ZNF550: variants seen among roughly 807,000 people sequenced by gnomAD.
The protein encoded by ZNF550 is zinc finger protein 550.
ZNF550 carries 42 observed loss-of-function variants against 40.2 expected under a neutral mutation model. That is an observed-to-expected ratio of 1.05 (90% CI 0.82 to 1.35). ZNF550 has a LOEUF of 1.35. ZNF550 is among the 40% of genes most tolerant of loss of function. The probability of loss-of-function intolerance (pLI) is 0.00; values close to 1 mark genes in which losing one functional copy is unlikely to be tolerated. For synonymous variants in ZNF550, 223 were observed against 198.6 expected (o/e 1.12, Z -1.03); for missense variants, 549 against 525.2 (o/e 1.05, Z -0.44).
chr19:57,550,373 T>C (rs2090062182), intron 3 of ZNF550, among the ~76,000 whole-genome samples: 1 of 152,234 alleles, frequency 6.6e-6, no homozygotes, highest in South Asian at 2.1e-4. Context: ...TGGAAAATAG[T>C]ATTCATAGCA....
intron 4 of ZNF550, chr19:57,543,653 C>T: frequency 1.0e-6 from 1 of 985,346 alleles, no homozygotes; most frequent in South Asian, 4.7e-5. Flanking sequence ...CGTTTTACCT[C>T]TGCCGGGCAC....
At chr19:57,556,055 T>G in intron 2 of ZNF550, 176 bp downstream of exon 2, 1 of 738,354 alleles carries the variant, frequency 1.4e-6, no homozygotes, top group Non-Finnish European at 2.2e-6. Context: ...TGAGGGTTTG[T>G]GTTAAAAGGA....
chr19:57,550,599 G>A (rs1236263718), intron 3 of ZNF550, among the ~76,000 whole-genome samples: 1 of 152,186 alleles, frequency 6.6e-6, no homozygotes, highest in Non-Finnish European at 1.5e-5. Context: ...TTAAAAACTA[G>A]TCCCTAGGGA....
At position 57,544,100 on chromosome 19, in the gene ZNF550, T is replaced by G. The variant is rs117947351; in HGVS notation, c.*519-857A>C. 64 of 985,434 alleles carry G rather than the reference T, an allele frequency of 6.5e-5. 1 individual carries two copies. In the Middle Eastern group the frequency reaches 2.6e-3, roughly 40 times the overall value. 61.0% of individuals were successfully genotyped at this position (985,434 alleles called of 1,614,324 possible). On this transcript the variant is annotated intron_variant, in intron 4 of 4. Coordinates refer to ENST00000457177, the Ensembl canonical transcript of ZNF550. ...CACCTGTTCTCATGTGTTTTTCCTA[T>G]ATTAGACAGTAAGTTCCTTCCCTGC...
At chr19:57,556,317 C>T (rs780476522) in exon 2 of ZNF550, 12 of 1,614,046 alleles carry the variant, frequency 7.4e-6, no homozygotes, top group Non-Finnish European at 9.3e-6. Context: ...CCACTCCTCC[C>T]GGGTAAAGGT....
chr19:57,547,488 G>C, exon 4 of ZNF550: 1 of 1,614,152 alleles, frequency 6.2e-7, no homozygotes, highest in Non-Finnish European at 8.5e-7. Context: ...CCCCGGTGTG[G>C]ATGAGGTAGT....
At chr19:57,553,351 C>G (rs575022238) in intron 2 of ZNF550, 1 of 152,374 alleles carries the variant, frequency 6.6e-6, no homozygotes, top group South Asian at 2.1e-4. Context: ...CAACGTTGTT[C>G]AGGCACACAA....
chr19:57,552,444 C>CTGAATAAT (rs1422249516), intron 3 of ZNF550, 183 bp downstream of exon 3: 3 of 531,312 alleles, frequency 5.6e-6, no homozygotes, highest in Admixed American at 3.3e-5. Context: ...ACCTGTGTCT[C>CTGAATAAT]TGAATAATTG....
Position 57,554,492 on chromosome 19 carries a change from A to G in ZNF550, c.154+1739T>C, listed in dbSNP as rs1047003436. On this transcript the variant is annotated intron_variant, in intron 2 of 4. Coordinates refer to ENST00000457177, the Ensembl canonical transcript of ZNF550. This position sits in a 1 kb window ranked among gnomAD's most constrained non-coding sequence, Gnocchi z 4.5. ...CCAACCACACCTCAGGCTTCTCATC[A>G]GGCGAGTTAGTGAATTTCCTTCCAG... 1 of 152,238 alleles carries G rather than the reference A, an allele frequency of 6.6e-6. No individual in the cohort carries two copies. The highest frequency in any genetic ancestry group is 2.4e-5 in the African/African-American group (1 of 41,458). 9.4% of individuals were successfully genotyped at this position (152,238 alleles called of 1,614,324 possible).
At chr19:57,555,050 C>CA (rs1476978333) in intron 2 of ZNF550, 2 of 152,236 alleles carry the variant, frequency 1.3e-5, no homozygotes, top group Non-Finnish European at 2.9e-5. Context: ...CAACTGAACT[C>CA]AGAGTGTGCC....
chr19:57,547,177 G>A (rs749837485), exon 4 of ZNF550: 5 of 1,611,302 alleles, frequency 3.1e-6, no homozygotes, highest in East Asian at 2.2e-5. Context: ...TATGAGTTCT[G>A]AGCTGCATCT....
upstream of ZNF550, chr19:57,559,993 T>C: frequency 5.7e-6 from 2 of 350,702 alleles, no homozygotes; most frequent in Non-Finnish European, 5.1e-6. Flanking sequence ...ACCATGTTTC[T>C]GTATATCTCA....
intron 3 of ZNF550, among the ~76,000 whole-genome samples, chr19:57,550,875 T>C (rs1220214324): frequency 1.3e-5 from 2 of 152,196 alleles, no homozygotes; most frequent in African/African-American, 4.8e-5. Context: ...TCCAAGAAGC[T>C]TGGCTTTACA....
exon 4 of ZNF550, chr19:57,547,629 G>A (rs536070861): frequency 6.2e-7 from 1 of 1,614,186 alleles, no homozygotes; most frequent in African/African-American, 1.3e-5. Flanking sequence ...CACACTGCTT[G>A]CATTTGTAGG....
chr19:57,559,566 T>A (rs1435989599), intron 1 of ZNF550, 90 bp downstream of exon 1: 3 of 1,325,246 alleles, frequency 2.3e-6, no homozygotes, highest in African/African-American at 1.5e-5. Flanking sequence ...GGGACTGCAC[T>A]GAGGACGACC....
Position 57,552,590 on chromosome 19 carries a change from T to C in ZNF550, c.250+37A>G. On this transcript the variant is annotated intron_variant, in intron 3 of 4. Transcript: ENST00000457177. Reference sequence around the variant, plus strand: ...TGGTGCCCTCACATTATCTGAAGACTGCCATGACTCCACATGACCAGCTGG... The same window carrying C: ...TGGTGCCCTCACATTATCTGAAGACCGCCATGACTCCACATGACCAGCTGG... The C allele has an allele frequency of 4.0e-6, 6 of 1,496,892 alleles. No homozygotes were observed. The South Asian group carries it at 5.8e-5, about 14-fold the overall frequency. The allele number at this position is 1,496,892 out of a possible 1,614,324, so 92.7% of individuals were successfully genotyped here.
At chr19:57,550,125 T>C (rs2090060110) in intron 3 of ZNF550, among the ~76,000 whole-genome samples, 1 of 152,192 alleles carries the variant, frequency 6.6e-6, no homozygotes, top group Non-Finnish European at 1.5e-5. Context: ...TTCAGTGCTG[T>C]GATCTGAGGA....
chr19:57,543,084 G>T, exon 5 of ZNF550: 1 of 241,664 alleles, frequency 4.1e-6, no homozygotes, highest in Non-Finnish European at 6.7e-6. Context: ...ACACTCTTCT[G>T]ATCACTCTGT....
exon 5 of ZNF550, chr19:57,541,944 A>G (rs1324307260): frequency 6.6e-6 from 1 of 152,184 alleles, no homozygotes; most frequent in African/African-American, 2.4e-5. Flanking sequence ...ATACAGTGTC[A>G]ATAGTATCAA....
Sources: allele counts gnomAD v4.1 joint callset (sites outside exome capture counted in the v4.1 genomes callset), GRCh38; gene constraint gnomAD v4.1.1; non-coding constraint Gnocchi (gnomAD v3.1); transcripts MANE v1.5; gene names NCBI Gene and HGNC (gene_info 2026-07-23, HGNC 2026-07-21).